SMCO2: variants seen among roughly 807,000 people sequenced by gnomAD.
SMCO2 encodes single-pass membrane and coiled-coil domain-containing protein 2.
A neutral mutation model predicts 29.5 loss-of-function variants in SMCO2; 25 were observed. The observed-to-expected ratio is 0.85, with a 90% CI of 0.62 to 1.18. SMCO2 has a LOEUF of 1.18. SMCO2 is among the 50% of genes most tolerant of loss of function. The pLI is 0.00. For missense variants in SMCO2, 348 were observed against 344.5 expected (o/e 1.01, Z -0.08); for synonymous variants, 117 against 123.3 (o/e 0.95, Z 0.34).
the SMCO2 span, among the ~76,000 whole-genome samples, chr12:27,433,576 C>A: frequency 6.6e-6 from 1 of 151,680 alleles, no homozygotes; most frequent in South Asian, 2.1e-4. Flanking sequence ...ATGAACATTG[C>A]AAAAGTGTCA....
chr12:27,488,128 A>G (rs1483980916), intron 4 of SMCO2, among the ~76,000 whole-genome samples: 2 of 152,128 alleles, frequency 1.3e-5, no homozygotes, highest in African/African-American at 2.4e-5. Context: ...AGATTATATA[A>G]TTGATGTTAA....
chr12:27,432,587 T>G, the SMCO2 span, among the ~76,000 whole-genome samples: 4 of 152,174 alleles, frequency 2.6e-5, no homozygotes, highest in African/African-American at 9.7e-5. Flanking sequence ...TTGTACCATA[T>G]CCTCTCTACA....
At chr12:27,426,470 C>T in the SMCO2 span, among the ~76,000 whole-genome samples, 2 of 152,116 alleles carry the variant, frequency 1.3e-5, no homozygotes, top group African/African-American at 4.8e-5. Flanking sequence ...AGCTTTTGAG[C>T]CTCAGTTTCT....
At chr12:27,473,582 C>T (rs1163069188) in intron 3 of SMCO2, among the ~76,000 whole-genome samples, 1 of 152,102 alleles carries the variant, frequency 6.6e-6, no homozygotes, top group Non-Finnish European at 1.5e-5. Context: ...CCACTTAACT[C>T]TCTATACTCT....
intron 7 of SMCO2, 43 bp from the exon 9 acceptor site, chr12:27,501,880 A>G: frequency 1.4e-6 from 2 of 1,414,220 alleles, no homozygotes; most frequent in East Asian, 5.2e-5. Context: ...CAATGTGATT[A>G]TTTTCAGAAT....
chr12:27,449,371 A>G, the SMCO2 span, among the ~76,000 whole-genome samples: 5 of 152,216 alleles, frequency 3.3e-5, no homozygotes, highest in Admixed American at 3.3e-4. Context: ...CCTGCTGCAT[A>G]CTTCTGAAAA....
chr12:27,446,493 T>G, the SMCO2 span: 1 of 152,134 alleles, frequency 6.6e-6, no homozygotes, highest in Admixed American at 6.5e-5. Flanking sequence ...ACACAGAAAC[T>G]TACCTAGTTT....
intron 4 of SMCO2, 140 bp downstream of exon 5, chr12:27,475,871 T>G: frequency 2.1e-6 from 2 of 962,144 alleles, no homozygotes; most frequent in East Asian, 6.3e-5. Flanking sequence ...GTTTATCTTT[T>G]GCTCATTTAA....
At chr12:27,466,820 G>A (rs1316284786) in exon 1 of SMCO2, 1 of 152,288 alleles carries the variant, frequency 6.6e-6, no homozygotes, top group East Asian at 1.9e-4. Flanking sequence ...ACCTGCCTTG[G>A]TGTTTACCAC....
At chr12:27,435,410 A>G in the SMCO2 span, among the ~76,000 whole-genome samples, 1 of 149,716 alleles carries the variant, frequency 6.7e-6, no homozygotes, top group Admixed American at 6.6e-5. Flanking sequence ...TCTAAACTCT[A>G]AAGAGGTAGT....
the SMCO2 span, among the ~76,000 whole-genome samples, chr12:27,461,276 T>C: frequency 6.6e-6 from 1 of 152,226 alleles, no homozygotes; most frequent in Non-Finnish European, 1.5e-5. Context: ...GCTTTTAGGT[T>C]CAGGAGTACA....
the SMCO2 span, among the ~76,000 whole-genome samples, chr12:27,435,140 G>A: frequency 4.6e-5 from 7 of 151,764 alleles, no homozygotes; most frequent in Non-Finnish European, 8.8e-5. Context: ...TCTAGAGCAG[G>A]GTTTCTCTAC....
the SMCO2 span, among the ~76,000 whole-genome samples, chr12:27,436,317 T>G: frequency 6.6e-6 from 1 of 151,892 alleles, no homozygotes; most frequent in South Asian, 2.1e-4. Context: ...GTCTGTTTTG[T>G]TTTGGTTTGG....
chr12:27,456,310 G>A, the SMCO2 span, among the ~76,000 whole-genome samples: 1 of 152,250 alleles, frequency 6.6e-6, no homozygotes, highest in Non-Finnish European at 1.5e-5. Context: ...TCCTTGGGAA[G>A]AATGCACATC....
the SMCO2 span, chr12:27,424,960 C>T: frequency 2.6e-5 from 4 of 152,258 alleles, no homozygotes; most frequent in Non-Finnish European, 5.9e-5. Flanking sequence ...CAAGGGAGGT[C>T]TAGGAAGATC....
At chr12:27,456,267 G>A in the SMCO2 span, among the ~76,000 whole-genome samples, 1 of 152,218 alleles carries the variant, frequency 6.6e-6, no homozygotes, top group Non-Finnish European at 1.5e-5. Flanking sequence ...GACATTATAT[G>A]TATATAGATA....
At chr12:27,449,737 G>A in the SMCO2 span, among the ~76,000 whole-genome samples, 6 of 152,110 alleles carry the variant, frequency 3.9e-5, no homozygotes, top group Admixed American at 3.3e-4. Context: ...CTCCCCTCTT[G>A]GTACATTGGA....
chr12:27,477,921 A>C (rs1270960204), intron 4 of SMCO2, among the ~76,000 whole-genome samples: 1 of 151,544 alleles, frequency 6.6e-6, no homozygotes, highest in Non-Finnish European at 1.5e-5. Context: ...TTTCATTGGG[A>C]TGTTACTGGA....
the SMCO2 span, among the ~76,000 whole-genome samples, chr12:27,438,020 C>T: frequency 2.0e-5 from 3 of 152,222 alleles, no homozygotes; most frequent in African/African-American, 7.2e-5. Flanking sequence ...CTTGCCTACA[C>T]TCCCGGGCTT....
Sources: gnomAD v4.1 joint callset for allele counts (sites outside exome capture counted in the v4.1 genomes callset) on GRCh38, gnomAD v4.1.1 for gene constraint, MANE v1.5 for transcripts, NCBI Gene and HGNC (gene_info 2026-07-23, HGNC 2026-07-21) for gene names.